Variants in DAB1 observed in about 807,000 individuals in gnomAD.
DAB1 encodes DAB adaptor protein 1, also known as disabled homolog 1.
DAB1 carries 15 observed loss-of-function variants against 64.6 expected under a neutral mutation model. The observed-to-expected ratio is 0.23, with a 90% confidence interval of 0.16 to 0.36. DAB1 has a LOEUF of 0.36. DAB1 is among the 10% of genes least tolerant of loss of function. The pLI is 1.00. For synonymous variants in DAB1, 235 were observed against 251.9 expected (o/e 0.93, Z 0.64); for missense variants, 596 against 706.7 (o/e 0.84, Z 1.78).
chr1:58,455,801 G>C (rs1319745818), intron 3 of DAB1, among the ~76,000 whole-genome samples: 1 of 152,206 alleles, frequency 6.6e-6, no homozygotes, highest in South Asian at 2.1e-4. Context: ...TTCTGTGGTT[G>C]AACAAGTGAG....
At chr1:58,438,098 C>T (rs986589266) in intron 3 of DAB1, among the ~76,000 whole-genome samples, 1 of 152,122 alleles carries the variant, frequency 6.6e-6, no homozygotes, top group African/African-American at 2.4e-5. Flanking sequence ...CCTGAGGCCC[C>T]GGTGGCTGCA....
intron 3 of DAB1, among the ~76,000 whole-genome samples, chr1:58,388,564 G>A (rs1406501862): frequency 6.6e-6 from 1 of 152,192 alleles, no homozygotes; most frequent in Non-Finnish European, 1.5e-5. Flanking sequence ...GGAGCCTGGA[G>A]CATTGACTAT....
chr1:58,277,037 CTTTTTTTTTT>C (rs869207396), intron 4 of DAB1, among the ~76,000 whole-genome samples: 2 of 79,648 alleles, frequency 2.5e-5, no homozygotes, highest in African/African-American at 5.2e-5. Flanking sequence ...CTTTTTTTTT[CTTTTTTTTTT>C]TTTTTTTTTT....
At chr1:57,022,853 C>A (rs1646664781) in intron 11 of DAB1, among the ~76,000 whole-genome samples, 1 of 152,290 alleles carries the variant, frequency 6.6e-6, no homozygotes, top group Non-Finnish European at 1.5e-5. Flanking sequence ...AGTGGCCTGG[C>A]CACATGGAAC....
intron 4 of DAB1, among the ~76,000 whole-genome samples, chr1:58,265,617 T>G (rs542305101): frequency 6.6e-6 from 1 of 152,212 alleles, no homozygotes; most frequent in Admixed American, 6.5e-5. Context: ...CAATTCTGTT[T>G]ATGGCAAAAT....
intron 4 of DAB1, among the ~76,000 whole-genome samples, chr1:57,102,286 T>C (rs973144449): frequency 1.3e-5 from 2 of 152,190 alleles, no homozygotes; most frequent in Non-Finnish European, 2.9e-5. Context: ...GAGAACCCAA[T>C]CTATATTCTT....
At chr1:57,141,566 T>A (rs961997754) in intron 3 of DAB1, among the ~76,000 whole-genome samples, 15 of 152,156 alleles carry the variant, frequency 9.9e-5, no homozygotes, top group Non-Finnish European at 2.2e-4. Context: ...TACCTTAAAT[T>A]TACCCACCCA....
At chr1:58,390,648 A>G (rs1644468458) in intron 3 of DAB1, among the ~76,000 whole-genome samples, 2 of 152,170 alleles carry the variant, frequency 1.3e-5, no homozygotes, top group South Asian at 2.1e-4. Flanking sequence ...GCAATAATAA[A>G]TGTTCACATT....
At chr1:58,466,744 C>G (rs1334321622) in intron 3 of DAB1, among the ~76,000 whole-genome samples, 2 of 152,168 alleles carry the variant, frequency 1.3e-5, no homozygotes, top group Non-Finnish European at 2.9e-5. Context: ...ACATTCTACA[C>G]GGGTGATGTT....
At chr1:57,367,043 C>CAAAATAAAAT (rs148354078) in intron 1 of DAB1, among the ~76,000 whole-genome samples, 1,493 of 91,684 alleles carry the variant, frequency 0.016, 113 homozygotes, top group Non-Finnish European at 0.022. Context: ...CCTGTCTCCA[C>CAAAATAAAAT]AAAATAAAAT....
chr1:57,386,366 G>GAAAAAAAAA, intron 1 of DAB1, among the ~76,000 whole-genome samples: 1 of 113,446 alleles, frequency 8.8e-6, no homozygotes. Context: ...GGCCCCTTGG[G>GAAAAAAAAA]AAAAAAAAAA....
chr1:58,460,727 G>C (rs1009749411), intron 3 of DAB1, among the ~76,000 whole-genome samples: 1 of 152,150 alleles, frequency 6.6e-6, no homozygotes, highest in Non-Finnish European at 1.5e-5. Flanking sequence ...CAGACAGTGT[G>C]TATAATGATT....
chr1:57,141,673 A>G (rs865884617), intron 3 of DAB1, among the ~76,000 whole-genome samples: 4 of 152,134 alleles, frequency 2.6e-5, no homozygotes, highest in African/African-American at 7.2e-5. Context: ...AAGGTTCTGC[A>G]CTTAGCTCTC....
intron 5 of DAB1, among the ~76,000 whole-genome samples, chr1:57,893,995 ATAC>A (rs1419894983): frequency 6.6e-6 from 1 of 152,130 alleles, no homozygotes; most frequent in East Asian, 1.9e-4. Context: ...CTGAGCATGC[ATAC>A]AACTCAGTAA....
At chr1:57,541,741 G>T (rs1380565388) in intron 7 of DAB1, among the ~76,000 whole-genome samples, 2 of 152,176 alleles carry the variant, frequency 1.3e-5, no homozygotes, top group Non-Finnish European at 2.9e-5. Flanking sequence ...ATGAACATTT[G>T]TTGACCCCAA....
intron 6 of DAB1, among the ~76,000 whole-genome samples, chr1:57,721,592 C>T (rs1647151287): frequency 6.6e-6 from 1 of 152,188 alleles, no homozygotes; most frequent in African/African-American, 2.4e-5. Context: ...TAGTAAGTAA[C>T]AGAGGAAGGA....
intron 6 of DAB1, among the ~76,000 whole-genome samples, chr1:57,714,294 T>C (rs1201309521): frequency 6.6e-6 from 1 of 152,122 alleles, no homozygotes; most frequent in East Asian, 1.9e-4. Flanking sequence ...CAATGTCACA[T>C]AGCTAGTAAA....
At chr1:58,436,397 G>A (rs1318598219) in intron 3 of DAB1, among the ~76,000 whole-genome samples, 1 of 152,188 alleles carries the variant, frequency 6.6e-6, no homozygotes, top group Non-Finnish European at 1.5e-5. Flanking sequence ...GTGGGAATGG[G>A]GAGCTTTCTC....
chr1:57,941,109 T>C (rs1424682646), intron 5 of DAB1, among the ~76,000 whole-genome samples: 1 of 152,204 alleles, frequency 6.6e-6, no homozygotes, highest in African/African-American at 2.4e-5. Flanking sequence ...AGGCATGATA[T>C]AGGACAGTGA....
Sources: gnomAD v4.1 joint callset for allele counts (sites outside exome capture counted in the v4.1 genomes callset) on GRCh38, gnomAD v4.1.1 for gene constraint, MANE v1.5 for transcripts, NCBI Gene and HGNC (gene_info 2026-07-23, HGNC 2026-07-21) for gene names.